The following CDC42BPA variants were observed in gnomAD, a reference collection of about 807,000 sequenced individuals.
CDC42BPA encodes the protein serine/threonine-protein kinase MRCK alpha.
A neutral mutation model predicts 223.5 loss-of-function variants in CDC42BPA; 80 were observed. That is an observed-to-expected ratio of 0.36 (90% CI 0.30 to 0.43). The LOEUF (loss-of-function observed/expected upper bound fraction) is 0.43. CDC42BPA is among the 20% of genes least tolerant of loss of function. CDC42BPA has a pLI of 1.00. For missense variants in CDC42BPA, 1,743 were observed against 2,099.9 expected (o/e 0.83, Z 3.32); for synonymous variants, 694 against 718.6 (o/e 0.97, Z 0.55).
At chr1:227,047,521 A>ACC (rs1672690305) in intron 23 of CDC42BPA, among the ~76,000 whole-genome samples, 1 of 152,144 alleles carries the variant, frequency 6.6e-6, no homozygotes, top group Non-Finnish European at 1.5e-5. Context: ...TCATTCTACC[A>ACC]TATGTAATAC....
intron 17 of CDC42BPA, 140 bp downstream of exon 17, chr1:227,080,753 A>T (rs1680463991): frequency 1.1e-6 from 1 of 935,932 alleles, no homozygotes; most frequent in Non-Finnish European, 1.7e-6. Flanking sequence ...ATCAGTAATA[A>T]AACTGTGCTT....
rs186461418 is a variant in CDC42BPA, at chr1:227,070,429, A to T, written c.2828-576T>A. Among the ~76,000 whole-genome samples the T allele has an allele frequency of 1.3e-3, 191 of 151,996 alleles. 2 individuals carry two copies. Among genetic ancestry groups the T allele is most frequent in the African/African-American group, 4.2e-3 (176 of 41,552 alleles). ...TTCATACATATCTCTTGACTATGGCATTAACTTTAAATGCACAATTTCCCA... is the reference window on the plus strand; with the variant it reads ...TTCATACATATCTCTTGACTATGGCTTTAACTTTAAATGCACAATTTCCCA... On this transcript the variant is annotated intron_variant, in intron 20 of 36. Coordinates refer to ENST00000366766, the MANE Select transcript of CDC42BPA (RefSeq NM_001394014.1).
At chr1:227,140,322 G>A (rs974452314) in intron 9 of CDC42BPA, among the ~76,000 whole-genome samples, 1 of 151,946 alleles carries the variant, frequency 6.6e-6, no homozygotes, top group African/African-American at 2.4e-5. Context: ...TAAATGCTAA[G>A]GAGAAAACAT....
At chr1:227,054,517 T>A (rs2148895211) in intron 21 of CDC42BPA, among the ~76,000 whole-genome samples, 1 of 152,320 alleles carries the variant, frequency 6.6e-6, no homozygotes, top group East Asian at 1.9e-4. Context: ...CAGAGCTGGT[T>A]GTTAAAACAT....
intron 1 of CDC42BPA, among the ~76,000 whole-genome samples, chr1:227,282,256 C>G (rs931681509): frequency 6.6e-6 from 1 of 150,632 alleles, no homozygotes; most frequent in Non-Finnish European, 1.5e-5. Context: ...CCTAGAATGG[C>G]AGAATTAATA....
intron 6 of CDC42BPA, among the ~76,000 whole-genome samples, chr1:227,157,175 A>G (rs907430383): frequency 1.3e-5 from 2 of 152,312 alleles, no homozygotes; most frequent in East Asian, 3.9e-4. Flanking sequence ...AATAAGAAAG[A>G]CAGTATAGAC....
At chr1:227,193,557 T>A (rs1670130626) in intron 5 of CDC42BPA, 1 of 443,450 alleles carries the variant, frequency 2.3e-6, no homozygotes, top group Non-Finnish European at 4.0e-6. Flanking sequence ...GTGACAACTT[T>A]TAGATACTAT....
At chr1:227,231,318 C>A (rs1448837476) in intron 2 of CDC42BPA, among the ~76,000 whole-genome samples, 1 of 151,966 alleles carries the variant, frequency 6.6e-6, no homozygotes, top group Non-Finnish European at 1.5e-5. Context: ...TGAACTCATC[C>A]TTTTTATGGC....
At chr1:227,298,519 T>G (rs1353414629) in intron 1 of CDC42BPA, among the ~76,000 whole-genome samples, 1 of 152,162 alleles carries the variant, frequency 6.6e-6, no homozygotes, top group Non-Finnish European at 1.5e-5. Context: ...CTCTACTCCC[T>G]TACCCTAAAC....
rs764656269 is a variant in CDC42BPA, at chr1:227,005,074, C to T, written c.4895G>A (p.Gly1632Asp). The T allele has an allele frequency of 4.3e-6, 7 of 1,614,094 alleles. No homozygotes were observed. The highest frequency in any genetic ancestry group is 5.9e-6 in the Non-Finnish European group (7 of 1,179,956). The change falls in exon 35 of 37, where the codon GGC becomes GAC. Residue 1632 changes from glycine (G) to aspartate (D), a missense_variant. Physicochemically the swap from Gly to Asp is moderately conservative, Grantham distance 94. Coordinates refer to ENST00000366766, the MANE Select transcript of CDC42BPA (RefSeq NM_001394014.1). ...RPQESRTVFS[G>D]SVSIPSITKS... ...GGTGATAGATGGAATACTGACTGAGCCACTGAATACTGTCCGACTTTCCTG... is the reference window on the plus strand; with the variant it reads ...GGTGATAGATGGAATACTGACTGAGTCACTGAATACTGTCCGACTTTCCTG...
chr1:227,181,501 T>C (rs1002847138), intron 5 of CDC42BPA, among the ~76,000 whole-genome samples: 2 of 152,238 alleles, frequency 1.3e-5, no homozygotes, highest in African/African-American at 4.8e-5. Context: ...AACATGGCTT[T>C]TTCCAAGAGA....
At chr1:227,041,305 C>A (rs941620968) in intron 23 of CDC42BPA, among the ~76,000 whole-genome samples, 14 of 152,082 alleles carry the variant, frequency 9.2e-5, no homozygotes, top group African/African-American at 3.4e-4. Context: ...TCCCTCCTTC[C>A]CCTTCTCTAG....
chr1:227,291,377 C>T lies in CDC42BPA; in HGVS notation c.178+25628G>A, dbSNP rs144160508. Among the ~76,000 whole-genome samples, 521 of 152,070 alleles carry T rather than the reference C, an allele frequency of 3.4e-3. 3 individuals are homozygous for T. Among genetic ancestry groups the T allele is most frequent in the African/African-American group, 0.012 (498 of 41,502 alleles). On this transcript the variant is annotated intron_variant, in intron 1 of 36. Coordinates refer to ENST00000366766, the MANE Select transcript of CDC42BPA (RefSeq NM_001394014.1). ...CAGCCTGTCTAACATGGTGAAACCCCGTCTCTACTAAAAATACAAAAATTA... is the reference window on the plus strand; with the variant it reads ...CAGCCTGTCTAACATGGTGAAACCCTGTCTCTACTAAAAATACAAAAATTA...
intron 15 of CDC42BPA, among the ~76,000 whole-genome samples, chr1:227,100,779 CGT>C (rs992518295): frequency 4.7e-5 from 2 of 42,300 alleles, no homozygotes; most frequent in South Asian, 7.7e-4. Context: ...TGTGTGTGTG[CGT>C]GTGCCATCAT....
chr1:227,266,107 C>T (rs980184746), intron 1 of CDC42BPA, among the ~76,000 whole-genome samples: 3 of 152,126 alleles, frequency 2.0e-5, no homozygotes, highest in Non-Finnish European at 4.4e-5. Flanking sequence ...TGGGTAGTGG[C>T]AATTTGTTTT....
In CDC42BPA at chr1:227,273,995, C is replaced by CAAAAAAAAAAAAAAAAAAAAAAAAAA. The variant is rs10599884; in HGVS notation, c.179-19866_179-19841dup. On this transcript the variant is annotated intron_variant, in intron 1 of 36. Transcript: ENST00000366766. ...ATAGTTTTCAAATATTCGTATACAC[C>CAAAAAAAAAAAAAAAAAAAAAAAAAA]AAAAAAAAAAAAAAAAAAAAAAAAA... 1.1e-4 allele frequency among the ~76,000 whole-genome samples: 6 copies of CAAAAAAAAAAAAAAAAAAAAAAAAAA among 57,004 alleles called. 1 individual carries two copies. Among genetic ancestry groups the CAAAAAAAAAAAAAAAAAAAAAAAAAA allele is most frequent in the Admixed American group, 5.4e-4 (2 of 3,694 alleles). The allele number at this position is 57,004 out of a possible 152,430, so 37.4% of individuals were successfully genotyped here. A position where few individuals can be genotyped will look rare whatever the true frequency, so the allele number is the denominator to read the frequency against.
chr1:227,259,929 T>G (rs1460127352), intron 1 of CDC42BPA, among the ~76,000 whole-genome samples: 1 of 150,848 alleles, frequency 6.6e-6, no homozygotes, highest in East Asian at 1.9e-4. Flanking sequence ...AAAAATTGAT[T>G]TGGTACTAAG....
chr1:227,295,793 T>C (rs965103967), intron 1 of CDC42BPA, among the ~76,000 whole-genome samples: 4 of 152,108 alleles, frequency 2.6e-5, no homozygotes, highest in Non-Finnish European at 5.9e-5. Flanking sequence ...TCTGAAAACA[T>C]CACATGTGTT....
At chr1:227,302,540 CTT>C (rs1245029908) in intron 1 of CDC42BPA, among the ~76,000 whole-genome samples, 4 of 152,150 alleles carry the variant, frequency 2.6e-5, no homozygotes, top group Admixed American at 6.5e-5. Context: ...TTTGGGGTCT[CTT>C]GTTTGTCCCC....
Sources: gnomAD v4.1 joint callset for allele counts (sites outside exome capture counted in the v4.1 genomes callset) on GRCh38, gnomAD v4.1.1 for gene constraint, MANE v1.5 for transcripts, NCBI Gene and HGNC (gene_info 2026-07-23, HGNC 2026-07-21) for gene names.